The following DOK7 variants were observed in gnomAD, a reference collection of about 807,000 sequenced individuals.
DOK7 encodes docking protein 7, also known as protein Dok-7.
In DOK7, 32 loss-of-function variants were observed where a neutral mutation model predicts 30.7. That is an observed-to-expected ratio of 1.04 (90% CI 0.79 to 1.40). The LOEUF is 1.40. Among genes scored for constraint, DOK7 ranks in the 40% most tolerant of loss-of-function variants. The pLI is 0.00. For missense variants in DOK7, 1,007 were observed against 699.2 expected, an observed-to-expected ratio of 1.44 and a Z score of -4.97; for synonymous variants, 447 against 324.1, an observed-to-expected ratio of 1.38 and a Z score of -4.07.
At chr4:3,489,136 G>C (rs1339055260) in intron 5 of DOK7, among the ~76,000 whole-genome samples, 1 of 152,158 alleles carries the variant, frequency 6.6e-6, no homozygotes, top group East Asian at 1.9e-4. Context: ...GGGGCTAGGT[G>C]GGGCCGAGGG....
intron 3 of DOK7, among the ~76,000 whole-genome samples, chr4:3,474,894 AGAGT>A (rs1463511891): frequency 2.0e-5 from 3 of 152,198 alleles, no homozygotes; most frequent in Non-Finnish European, 4.4e-5. Flanking sequence ...CCTGGGCGAC[AGAGT>A]GAGACCCTGT....
chr4:3,492,944 A>C lies in DOK7; in HGVS notation c.958A>C (p.Lys320Gln). Residue 320 changes from lysine (K) to glutamine (Q), a missense_variant, in exon 7 of 7, where the codon AAG becomes CAG. Transcript: ENST00000340083. Reference protein sequence around the residue: ...AMVGASRPPPKPLRPRQLQEV... With the variant: ...AMVGASRPPPQPLRPRQLQEV... ...GGTGGGTGCCTCAAGGCCACCCCCC[A>C]AGCCGCTGCGTCCGCGGCAGCTGCA... 6.4e-7 allele frequency: 1 copy of C among 1,556,520 alleles called. No homozygotes were observed. The highest frequency in any genetic ancestry group is 2.4e-5 in the East Asian group (1 of 41,616).
In DOK7 at chr4:3,473,468, A is replaced by T. The variant is rs550137245; in HGVS notation, c.163A>T (p.Ser55Cys). 2.5e-5 allele frequency: 40 copies of T among 1,611,018 alleles called. No individual in the cohort carries two copies. The Admixed American group carries it at 6.5e-4, about 26-fold the overall frequency. Residue 55 changes from serine to cysteine, a missense_variant, in exon 3 of 7, where the codon AGC (serine) becomes TGC (cysteine). Physicochemically the swap from Ser to Cys is moderately radical, Grantham distance 112. Coordinates refer to ENST00000340083, the MANE Select transcript of DOK7 (RefSeq NM_173660.5). Reference protein sequence around the residue: ...SERIKGLRERSSLTLEDICGL... With the variant: ...SERIKGLRERCSLTLEDICGL... ...GCGTATCAAGGGCCTGCGGGAGCGC[A>T]GCAGCCTGACGCTAGAGGACATCTG...
chr4:3,475,794 G>A (rs905578591), intron 3 of DOK7, among the ~76,000 whole-genome samples: 2 of 152,122 alleles, frequency 1.3e-5, no homozygotes, highest in African/African-American at 4.8e-5. Context: ...AGGTGCCGGG[G>A]GTGGGAGCCC....
intron 4 of DOK7, chr4:3,484,700 G>A (rs963212130): frequency 6.1e-6 from 6 of 985,390 alleles, no homozygotes; most frequent in Non-Finnish European, 6.0e-6. Flanking sequence ...GGGGTGCAGG[G>A]GTGGATGCTG....
chr4:3,494,679 G>A (rs567241267), downstream of DOK7, among the ~76,000 whole-genome samples: 100 of 150,794 alleles, frequency 6.6e-4, no homozygotes, highest in African/African-American at 2.2e-3. Flanking sequence ...GGCAGCCCCC[G>A]GGCTGGGATG....
intron 6 of DOK7, among the ~76,000 whole-genome samples, chr4:3,490,967 TTTC>T (rs1357309019): frequency 1.4e-4 from 18 of 129,934 alleles, no homozygotes; most frequent in East Asian, 5.4e-4. Context: ...CCCCTGCTCA[TTTC>T]TTCATTTCCC....
In DOK7 at chr4:3,494,357, G is replaced by A; in HGVS notation, c.*856G>A. 1.0e-6 allele frequency: 1 copy of A among 985,938 alleles called. No individual in the cohort carries two copies. 61.1% of individuals were successfully genotyped at this position (985,938 alleles called of 1,614,324 possible). ...GCCCTGGGTGGCTTCCTCTTGCACA[G>A]CCTGGAGCCTGCCCTGACCACAGCC... On this transcript the variant is annotated 3_prime_UTR_variant, in exon 7 of 7. Coordinates refer to ENST00000340083, the MANE Select transcript of DOK7 (RefSeq NM_173660.5).
At chr4:3,488,161 G>A (rs1318294577) in intron 5 of DOK7, among the ~76,000 whole-genome samples, 1 of 152,248 alleles carries the variant, frequency 6.6e-6, no homozygotes, top group East Asian at 1.9e-4. Flanking sequence ...CAATGCTACA[G>A]ACAGGGCCAC....
rs1399458903 is a variant in DOK7 at position 3,473,514 on chromosome 4, C to A, written c.209C>A (p.Pro70His). Reference sequence around the variant, plus strand: ...ATCTGCGGGCTGGAGCCCGGCCTGCCCTACGAGGGCCTGGTCCACACGCTG... The same window carrying A: ...ATCTGCGGGCTGGAGCCCGGCCTGCACTACGAGGGCCTGGTCCACACGCTG... ...EDICGLEPGL[P>H]YEGLVHTLAI... The change falls in exon 3 of 7, where the codon CCC becomes CAC. Residue 70 changes from proline (P) to histidine (H), a missense_variant. Physicochemically the swap from Pro to His is moderately conservative, Grantham distance 77 (BLOSUM62 -2). Coordinates refer to ENST00000340083, the MANE Select transcript of DOK7 (RefSeq NM_173660.5). The A allele has an allele frequency of 6.2e-7, 1 of 1,611,016 alleles. No individual in the cohort carries two copies.
At chr4:3,497,527 TGA>T (rs1046744171), downstream of DOK7, among the ~76,000 whole-genome samples, 9 of 152,058 alleles carry the variant, frequency 5.9e-5, no homozygotes, top group Non-Finnish European at 1.2e-4. Flanking sequence ...AGGCTGGAGA[TGA>T]GGACGGCTGG....
At position 3,493,471 on chromosome 4, in the gene DOK7, T is replaced by A. The variant is rs1219587536; in HGVS notation, c.1485T>A (p.Cys495Ter). 1.2e-6 allele frequency: 2 copies of A among 1,610,948 alleles called. No individual in the cohort carries two copies. The highest frequency in any genetic ancestry group is 1.7e-6 in the Non-Finnish European group (2 of 1,179,302). ...CTTTCTTTTCGGCATGTCCAGTCTG[T>A]GGAGGACTCAAGGTAAACCCCCCTC... ...PPAFFSACPV[C>*]GGLKVNPPP Residue 495 changes from cysteine (C) to a stop codon, truncating the protein, a stop_gained, in exon 7 of 7, where the codon TGT (cysteine) becomes TGA (stop). Transcript: ENST00000340083. LOFTEE classifies it high-confidence loss of function.
At position 3,473,483 on chromosome 4, in the gene DOK7, G is replaced by A. The variant is rs199980106; in HGVS notation, c.178G>A (p.Glu60Lys). 7.6e-4 allele frequency: 1,218 copies of A among 1,611,234 alleles called. 5 individuals are homozygous for A. Among genetic ancestry groups the A allele is most frequent in the African/African-American group, 4.6e-3 (345 of 75,004 alleles). The change falls in exon 3 of 7, where the codon GAG becomes AAG. Residue 60 changes from glutamate (E) to lysine (K), a missense_variant. By Grantham distance (56) the Glu-to-Lys change is moderately conservative (BLOSUM62 1). Coordinates refer to ENST00000340083, the MANE Select transcript of DOK7 (RefSeq NM_173660.5). The stretch of plus-strand genomic sequence containing the variant: ...GCGGGAGCGCAGCAGCCTGACGCTA[G>A]AGGACATCTGCGGGCTGGAGCCCGG... ...GLRERSSLTL[E>K]DICGLEPGLP...
rs11542616 is a variant in DOK7, at chr4:3,494,129, C to T, written c.*628C>T. ...CAGTGAAGCCCTTGTGGGAAGGTTC[C>T]GGGAGCAGGTGGTGTCCTCAGAGCA... is the stretch of plus-strand genomic sequence containing the variant. On this transcript the variant is annotated 3_prime_UTR_variant, in exon 7 of 7. Transcript: ENST00000340083. 1.6e-4 allele frequency: 154 copies of T among 985,732 alleles called. No homozygotes were observed. Among genetic ancestry groups the T allele is most frequent in the East Asian group, 1.5e-3 (13 of 8,818 alleles). 61.1% of individuals were successfully genotyped at this position (985,732 alleles called of 1,614,324 possible).
chr4:3,481,435 C>T (rs1056512038), intron 4 of DOK7, among the ~76,000 whole-genome samples: 15 of 148,686 alleles, frequency 1.0e-4, no homozygotes, highest in South Asian at 6.4e-4. Flanking sequence ...AGGGCCGGCC[C>T]GGGAAGGGGG....
chr4:3,487,386 G>C (rs1727878314), intron 5 of DOK7, among the ~76,000 whole-genome samples: 1 of 152,218 alleles, frequency 6.6e-6, no homozygotes, highest in Admixed American at 6.5e-5. Flanking sequence ...TCCCACAATA[G>C]AGCCCTGCGG....
intron 2 of DOK7, among the ~76,000 whole-genome samples, chr4:3,471,462 T>A (rs1188517670): frequency 1.3e-5 from 2 of 152,348 alleles, no homozygotes; most frequent in South Asian, 4.1e-4. Flanking sequence ...GTGGCTCAGC[T>A]TTTTAGGGTC....
chr4:3,496,325 G>A (rs1245147641), downstream of DOK7, among the ~76,000 whole-genome samples: 8 of 152,326 alleles, frequency 5.3e-5, 1 homozygote, highest in South Asian at 1.2e-3. Context: ...ATTTTCCAGG[G>A]GCACCCCCCT....
chr4:3,471,676 C>T (rs928057126), intron 2 of DOK7, among the ~76,000 whole-genome samples: 2 of 152,344 alleles, frequency 1.3e-5, no homozygotes, highest in Admixed American at 6.5e-5. Flanking sequence ...GCTGTTACGG[C>T]GAATTCCGAT....
Sources: gnomAD v4.1 joint callset for allele counts (sites outside exome capture counted in the v4.1 genomes callset) on GRCh38, gnomAD v4.1.1 for gene constraint, MANE v1.5 for transcripts, NCBI Gene and HGNC (gene_info 2026-07-23, HGNC 2026-07-21) for gene names.